Variants in LRCH3 observed in about 807,000 individuals in gnomAD.
LRCH3 encodes leucine rich repeats and calponin homology domain containing 3.
In LRCH3, 68 loss-of-function variants were observed where a neutral mutation model predicts 104.5. That is an observed-to-expected ratio of 0.65 (90% CI 0.54 to 0.80). The LOEUF is 0.80. Ranked by LOEUF, LRCH3 falls within the 30% of genes least tolerant of loss-of-function variation. LRCH3 has a pLI of 0.00. For missense variants in LRCH3, 951 were observed against 953.9 expected, an observed-to-expected ratio of 1.00 and a Z score of 0.04; for synonymous variants, 344 against 361.3, an observed-to-expected ratio of 0.95 and a Z score of 0.54.
chr3:197,847,629 A>G (rs533917247), intron 11 of LRCH3, among the ~76,000 whole-genome samples, 169 bp downstream of exon 11: 119 of 2,974 alleles, frequency 0.04, no homozygotes, highest in African/African-American at 0.19. Context: ...GTTTTTAGAC[A>G]CTAGATAGAA....
intron 18 of LRCH3, among the ~76,000 whole-genome samples, chr3:197,870,526 C>G (rs578014150): frequency 8.5e-5 from 13 of 152,216 alleles, no homozygotes; most frequent in Non-Finnish European, 1.3e-4. Context: ...TCACTGCACC[C>G]AGCTAGTTTT....
At chr3:197,877,561 G>T (rs1713036205) in intron 20 of LRCH3, among the ~76,000 whole-genome samples, 1 of 122,192 alleles carries the variant, frequency 8.2e-6, no homozygotes. Context: ...CCGCACCCAT[G>T]ACAGTGATTC....
In LRCH3 at chr3:197,847,878, C is replaced by T; in HGVS notation, c.1387C>T (p.His463Tyr). The T allele has an allele frequency of 6.2e-7, 1 of 1,613,980 alleles. No homozygotes were observed. The highest frequency in any genetic ancestry group is 2.2e-5 in the East Asian group (1 of 44,862). ...SLSASHNQLSHTDLELHQRRE... is the reference protein window; with the variant it reads ...SLSASHNQLSYTDLELHQRRE... Reference sequence around the variant, plus strand: ...AATAACGCTTTGGTTCCAGCTGTCACACACAGACCTGGAACTTCATCAGAG... The same window carrying T: ...AATAACGCTTTGGTTCCAGCTGTCATACACAGACCTGGAACTTCATCAGAG... Residue 463 changes from histidine to tyrosine, a missense_variant, in exon 12 of 21, where the codon CAC becomes TAC. Transcript: ENST00000425562.
chr3:197,870,989 A>G (rs1712108546), intron 18 of LRCH3, among the ~76,000 whole-genome samples: 2 of 152,132 alleles, frequency 1.3e-5, no homozygotes, highest in Non-Finnish European at 1.5e-5. Context: ...AATAATTTAT[A>G]TGTGTGTGCA....
Position 197,832,239 on chromosome 3 carries a change from AT to A in LRCH3, c.1026del (p.Thr343LeufsTer20), listed in dbSNP as rs1316834989. The A allele has an allele frequency of 6.2e-7, 1 of 1,613,790 alleles. No individual in the cohort carries two copies. ...AGATCTGCCTCTTCGAGTAGCAGAG[AT>A]TACTAAAGAACAAAGACTACGAAGA... ...FSDLPLRVAEITKEQRLRRES... is the reference protein window; with the variant it reads ...FSDLPLRVAEXTKEQRLRRES... On this transcript the variant is annotated frameshift_variant, in exon 8 of 21. Coordinates refer to ENST00000425562, the MANE Select transcript of LRCH3 (RefSeq NM_001365715.1). LOFTEE classifies it high-confidence loss of function.
chr3:197,849,518 C>T (rs1418205359), intron 12 of LRCH3, among the ~76,000 whole-genome samples: 1 of 152,098 alleles, frequency 6.6e-6, no homozygotes, highest in East Asian at 1.9e-4. Context: ...TAATACTATA[C>T]ATACTATATC....
intron 1 of LRCH3, among the ~76,000 whole-genome samples, chr3:197,806,179 G>T (rs958421829): frequency 1.3e-5 from 2 of 152,108 alleles, no homozygotes; most frequent in African/African-American, 4.8e-5. Flanking sequence ...ACCTGCCTCG[G>T]CCTCCCAAAG....
At chr3:197,793,678 G>C (rs1342661643) in intron 1 of LRCH3, among the ~76,000 whole-genome samples, 1 of 152,140 alleles carries the variant, frequency 6.6e-6, no homozygotes, top group African/African-American at 2.4e-5. Context: ...TTTCCTTACT[G>C]TGCTCTGAGT....
At chr3:197,819,018 T>G (rs1472598721) in intron 3 of LRCH3, among the ~76,000 whole-genome samples, 2 of 151,280 alleles carry the variant, frequency 1.3e-5, no homozygotes, top group East Asian at 1.9e-4. Context: ...CCCAGCAACT[T>G]GGGAGGCTGA....
At position 197,817,166 on chromosome 3, in the gene LRCH3, A is replaced by C; in HGVS notation, c.408-10A>C. On this transcript the variant is annotated splice_polypyrimidine_tract_variant and intron_variant, in intron 2 of 20. Transcript: ENST00000425562. ...CTCTGATTCTTCTCTCTTTCTACTTACCCATTTAGTCGGAACCAACTGTCA... is the reference window on the plus strand; with the variant it reads ...CTCTGATTCTTCTCTCTTTCTACTTCCCCATTTAGTCGGAACCAACTGTCA... 6.3e-7 allele frequency: 1 copy of C among 1,587,684 alleles called. No homozygotes were observed. Among genetic ancestry groups the C allele is most frequent in the Non-Finnish European group, 8.6e-7 (1 of 1,167,896 alleles).
At chr3:197,859,146 A>AT (rs200278243) in intron 15 of LRCH3, 12,137 of 474,110 alleles carry the variant, frequency 0.026, 315 homozygotes, top group East Asian at 0.076. Flanking sequence ...TGTCATTCTG[A>AT]TTTTTTTATC....
intron 18 of LRCH3, 106 bp downstream of exon 18, chr3:197,870,384 T>A: frequency 9.0e-7 from 1 of 1,115,032 alleles, no homozygotes; most frequent in Non-Finnish European, 1.3e-6. Context: ...ATTTTTTTTT[T>A]AGACGGAGTC....
chr3:197,808,240 A>G (rs1359783251), intron 1 of LRCH3, among the ~76,000 whole-genome samples: 1 of 152,196 alleles, frequency 6.6e-6, no homozygotes, highest in Non-Finnish European at 1.5e-5. Context: ...ACTCAGAGAG[A>G]AGACAGCATC....
rs71623380 is a variant in LRCH3 at position 197,812,504 on chromosome 3, G to GTTT, written c.263-2380_263-2378dup. 1.1e-3 allele frequency among the ~76,000 whole-genome samples: 52 copies of GTTT among 48,974 alleles called. 16 individuals are homozygous for GTTT. The highest frequency in any genetic ancestry group is 3.5e-3 in the African/African-American group (44 of 12,608). The allele number at this position is 48,974 out of a possible 152,430, so 32.1% of individuals were successfully genotyped here. ...ATATCTGTTCAAGTCTCTGCTTTCA[G>GTTT]TTTTTTTTTTTTTTTTTTTTTTTTT... On this transcript the variant is annotated intron_variant, in intron 1 of 20. Coordinates refer to ENST00000425562, the MANE Select transcript of LRCH3 (RefSeq NM_001365715.1).
At chr3:197,797,883 CAAAA>C (rs1283044363) in intron 1 of LRCH3, among the ~76,000 whole-genome samples, 50 of 83,348 alleles carry the variant, frequency 6.0e-4, no homozygotes, top group African/African-American at 2.0e-3. Flanking sequence ...ACAAAAAAAA[CAAAA>C]AAAAAAACAA....
At chr3:197,819,140 A>AG (rs1174585471) in intron 3 of LRCH3, among the ~76,000 whole-genome samples, 3 of 151,846 alleles carry the variant, frequency 2.0e-5, no homozygotes, top group Non-Finnish European at 4.4e-5. Flanking sequence ...AAAAAAAAAA[A>AG]AAGAAAAAAG....
intron 20 of LRCH3, chr3:197,881,893 T>C: frequency 1.0e-6 from 1 of 985,464 alleles, no homozygotes; most frequent in Non-Finnish European, 1.2e-6. Flanking sequence ...TTCTTCCATA[T>C]GAAATGGGAC....
At chr3:197,880,557 G>C in intron 20 of LRCH3, 2 of 1,536,388 alleles carry the variant, frequency 1.3e-6, no homozygotes, top group Non-Finnish European at 8.7e-7. Flanking sequence ...AAACCTCAGC[G>C]TTAAAAGAAC....
chr3:197,804,609 C>G (rs571756763), intron 1 of LRCH3, among the ~76,000 whole-genome samples: 1 of 152,262 alleles, frequency 6.6e-6, no homozygotes, highest in Admixed American at 6.5e-5. Flanking sequence ...CAGGGCTCTA[C>G]TACTCATTGG....
Sources: gnomAD v4.1 joint callset for allele counts (sites outside exome capture counted in the v4.1 genomes callset) on GRCh38, gnomAD v4.1.1 for gene constraint, MANE v1.5 for transcripts, NCBI Gene and HGNC (gene_info 2026-07-23, HGNC 2026-07-21) for gene names.